Variants in RFX7 observed in about 807,000 individuals in gnomAD.
RFX7 encodes the protein DNA-binding protein RFX7.
A neutral mutation model predicts 111.8 loss-of-function variants in RFX7; 26 were observed. The ratio of observed to expected loss-of-function variants is 0.23; its 90% CI spans 0.17 to 0.32. RFX7 has a LOEUF of 0.32. RFX7 is among the 10% of genes least tolerant of loss of function. The probability of loss-of-function intolerance (pLI) is 1.00; values close to 1 mark genes in which losing one functional copy is unlikely to be tolerated. For synonymous variants in RFX7, 624 were observed against 624.4 expected, an observed-to-expected ratio of 1.00 and a Z score of 0.01; for missense variants, 1,573 against 1,772.9, an observed-to-expected ratio of 0.89 and a Z score of 2.02.
At chr15:56,205,877 A>G (rs1389798084) in intron 2 of RFX7, among the ~76,000 whole-genome samples, 1 of 152,108 alleles carries the variant, frequency 6.6e-6, no homozygotes, top group Non-Finnish European at 1.5e-5. Flanking sequence ...AAGAGATACC[A>G]CCCCACATCC....
chr15:56,172,705 C>G (rs185886873), intron 3 of RFX7, among the ~76,000 whole-genome samples: 2 of 151,994 alleles, frequency 1.3e-5, no homozygotes, highest in Non-Finnish European at 2.9e-5. Context: ...GATCATTTAC[C>G]GGCAGCAAGA....
At chr15:56,186,850 A>G (rs532621203) in intron 2 of RFX7, among the ~76,000 whole-genome samples, 187 of 152,270 alleles carry the variant, frequency 1.2e-3, no homozygotes, top group Middle Eastern at 3.4e-3. Flanking sequence ...ATTCATGAAC[A>G]TATCTAATTT....
intron 3 of RFX7, among the ~76,000 whole-genome samples, chr15:56,161,991 G>A (rs530188626): frequency 6.6e-6 from 1 of 152,156 alleles, no homozygotes; most frequent in Non-Finnish European, 1.5e-5. Context: ...TCACTCAGGA[G>A]AAGCCAAGGT....
chr15:56,210,686 T>C (rs534432883), intron 2 of RFX7, among the ~76,000 whole-genome samples: 1 of 152,186 alleles, frequency 6.6e-6, no homozygotes, highest in South Asian at 2.1e-4. Context: ...AATTAAACAA[T>C]GCACTTCTAA....
intron 2 of RFX7, among the ~76,000 whole-genome samples, chr15:56,230,462 T>C (rs1186671821): frequency 1.3e-5 from 2 of 152,240 alleles, no homozygotes; most frequent in South Asian, 2.1e-4. Flanking sequence ...AAGTGTAACA[T>C]CAGTTTAATA....
At chr15:56,118,599 T>C (rs1346132848) in intron 5 of RFX7, among the ~76,000 whole-genome samples, 1 of 152,206 alleles carries the variant, frequency 6.6e-6, no homozygotes, top group Admixed American at 6.5e-5. Flanking sequence ...CATCTGCTGA[T>C]AGACACTTAG....
At chr15:56,112,505 C>T (rs1267495385) in intron 5 of RFX7, among the ~76,000 whole-genome samples, 1 of 151,418 alleles carries the variant, frequency 6.6e-6, no homozygotes, top group Non-Finnish European at 1.5e-5. Flanking sequence ...CAAATTTACT[C>T]AAGATGGATT....
chr15:56,151,552 G>C (rs1276514199), intron 3 of RFX7, among the ~76,000 whole-genome samples: 1 of 152,152 alleles, frequency 6.6e-6, no homozygotes, highest in Non-Finnish European at 1.5e-5. Context: ...AAGAGGTCCT[G>C]AAAGAAGCAC....
At chr15:56,167,489 T>C (rs748599857) in intron 3 of RFX7, among the ~76,000 whole-genome samples, 4 of 152,176 alleles carry the variant, frequency 2.6e-5, no homozygotes, top group Non-Finnish European at 5.9e-5. Context: ...AATATTACCC[T>C]CACTAGTAAA....
At chr15:56,129,458 A>C (rs756690598) in intron 5 of RFX7, among the ~76,000 whole-genome samples, 73 of 152,260 alleles carry the variant, frequency 4.8e-4, no homozygotes, top group Non-Finnish European at 5.1e-4. Flanking sequence ...TAATCAAAGT[A>C]TTATAAAAGT....
Position 56,087,387 on chromosome 15 carries a change from G to C in RFX7, c.*5958C>G. The C allele has an allele frequency of 2.2e-6, 1 of 456,416 alleles. No individual in the cohort carries two copies. 28.3% of individuals were successfully genotyped at this position (456,416 alleles called of 1,614,324 possible). A position where few individuals can be genotyped will look rare whatever the true frequency, so the allele number is the denominator to read the frequency against. ...CCCTTCCAAAGTCATCATGCCCTGG[G>C]CTCCTTGTATCTTGTTGCTCAATCA... is the stretch of plus-strand genomic sequence containing the variant. On this transcript the variant is annotated 3_prime_UTR_variant, in exon 10 of 10. Coordinates refer to ENST00000559447, the MANE Select transcript of RFX7 (RefSeq NM_022841.7).
chr15:56,221,307 T>C (rs2043424635), intron 2 of RFX7, among the ~76,000 whole-genome samples: 1 of 152,236 alleles, frequency 6.6e-6, no homozygotes. Context: ...TTCCTATACA[T>C]GAGCATGGAA....
chr15:56,152,444 T>C (rs746548040), intron 3 of RFX7, among the ~76,000 whole-genome samples: 1 of 152,180 alleles, frequency 6.6e-6, no homozygotes, highest in Non-Finnish European at 1.5e-5. Context: ...AACCTGCTCC[T>C]GAATGACTAC....
At chr15:56,163,504 T>A (rs1206656426) in intron 3 of RFX7, among the ~76,000 whole-genome samples, 1 of 152,228 alleles carries the variant, frequency 6.6e-6, no homozygotes, top group Non-Finnish European at 1.5e-5. Flanking sequence ...GTGCCTACTA[T>A]GCTCTAGGCA....
intron 2 of RFX7, 97 bp from the exon 3 acceptor site, chr15:56,179,400 G>A: frequency 2.3e-6 from 1 of 426,118 alleles, no homozygotes. Context: ...TCCTTACTAA[G>A]AAAAAAATAA....
At position 56,087,595 on chromosome 15, in the gene RFX7, C is replaced by T. The variant is rs1347937956; in HGVS notation, c.*5750G>A. ...TCCACTTAACTGCAAGGGAAGTTGG[C>T]AGATGCAGCCTTTTGGTCAGATGGC... On this transcript the variant is annotated 3_prime_UTR_variant, in exon 10 of 10. Coordinates refer to ENST00000559447, the MANE Select transcript of RFX7 (RefSeq NM_022841.7). The T allele has an allele frequency of 2.2e-6, 1 of 455,824 alleles. No individual in the cohort carries two copies. The highest frequency in any genetic ancestry group is 1.6e-5 in the South Asian group (1 of 64,436). The allele number at this position is 455,824 out of a possible 1,614,324, so 28.2% of individuals were successfully genotyped here.
At chr15:56,225,579 T>C (rs2043473829) in intron 2 of RFX7, among the ~76,000 whole-genome samples, 1 of 152,196 alleles carries the variant, frequency 6.6e-6, no homozygotes, top group African/African-American at 2.4e-5. Flanking sequence ...CATCTCACTT[T>C]AGAAGTCAGG....
At chr15:56,134,805 C>G (rs1448181163) in intron 5 of RFX7, among the ~76,000 whole-genome samples, 1 of 152,070 alleles carries the variant, frequency 6.6e-6, no homozygotes, top group Non-Finnish European at 1.5e-5. Context: ...TTATATTCCC[C>G]TTCCTGTGTC....
At chr15:56,123,105 C>T (rs374130008) in intron 5 of RFX7, among the ~76,000 whole-genome samples, 36 of 152,206 alleles carry the variant, frequency 2.4e-4, no homozygotes, top group Middle Eastern at 3.4e-3. Flanking sequence ...TTTATTCTTC[C>T]CTCTGCTTTT....
Sources: allele counts gnomAD v4.1 joint callset (sites outside exome capture counted in the v4.1 genomes callset), GRCh38; gene constraint gnomAD v4.1.1; transcripts MANE v1.5; gene names NCBI Gene and HGNC (gene_info 2026-07-23, HGNC 2026-07-21).